MYH3: variants seen among roughly 807,000 people sequenced by gnomAD.
The protein encoded by MYH3 is myosin heavy chain 3, also known as myosin-3.
Under a neutral mutation model 238.0 loss-of-function variants are expected in MYH3, and 130 were observed. The observed-to-expected ratio is 0.55, with a 90% CI of 0.47 to 0.63. The LOEUF (loss-of-function observed/expected upper bound fraction) is 0.63. Ranked by LOEUF, MYH3 falls within the 30% of genes least tolerant of loss-of-function variation. The probability of loss-of-function intolerance (pLI) is 0.00; values close to 1 mark genes in which losing one functional copy is unlikely to be tolerated. For missense variants in MYH3, 1,853 were observed against 2,374.9 expected, an observed-to-expected ratio of 0.78 and a Z score of 4.57; for synonymous variants, 880 against 924.1, an observed-to-expected ratio of 0.95 and a Z score of 0.86.
rs966521115 is a variant in MYH3, at chr17:10,632,119, T to C, written c.4957-103A>G. On this transcript the variant is annotated intron_variant, in intron 34 of 40. Coordinates refer to ENST00000583535, the MANE Select transcript of MYH3 (RefSeq NM_002470.4). ...GTTTGTTTGTTTGTTTGTTTTTGTT[T>C]TGTTTTGTTTTGTTTGTTTTGAGAC... The C allele has an allele frequency of 9.6e-6, 13 of 1,350,276 alleles. No homozygotes were observed. In the African/African-American group the frequency reaches 1.9e-4, roughly 19 times the overall value. 83.6% of individuals were successfully genotyped at this position (1,350,276 alleles called of 1,614,324 possible). A position where few individuals can be genotyped will look rare whatever the true frequency, so the allele number is the denominator to read the frequency against.
At position 10,632,775 on chromosome 17, in the gene MYH3, C is replaced by G; in HGVS notation, c.4657G>C (p.Glu1553Gln). 6.2e-7 allele frequency: 1 copy of G among 1,614,206 alleles called. No individual in the cohort carries two copies. ...CGGAGGATCTTGGCTTCTTCATGCT[C>G]AAGAGCAGCCTTTAAGAAACAAAAG... Reference protein sequence around the residue: ...LALEEAEAALEHEEAKILRIQ... With the variant: ...LALEEAEAALQHEEAKILRIQ... Residue 1553 changes from glutamate to glutamine, a missense_variant, in exon 34 of 41, where the codon GAG becomes CAG. Glu to Gln is a conservative substitution (Grantham distance 29). Around this residue, in one of 3 missense-constraint regions of MYH3, gnomAD observed 1,044 missense variants for 1,192.6 expected, o/e 0.88. Coordinates refer to ENST00000583535, the MANE Select transcript of MYH3 (RefSeq NM_002470.4).
intron 32 of MYH3, 116 bp from the exon 33 acceptor site, chr17:10,633,831 T>A: frequency 6.6e-7 from 1 of 1,518,004 alleles, no homozygotes; most frequent in Non-Finnish European, 9.1e-7. Flanking sequence ...GTTTCCTGCT[T>A]CCTAGAGATA....
Position 10,644,347 on chromosome 17 carries a change from A to G in MYH3, c.1410+4T>C. On this transcript the variant is annotated splice_donor_region_variant and intron_variant, in intron 14 of 40. Transcript: ENST00000583535. ...ATGAAAATATGAATATAAGTAACACAAACCTCAAAGATTTCAAAGCCTGCA... is the reference window on the plus strand; with the variant it reads ...ATGAAAATATGAATATAAGTAACACGAACCTCAAAGATTTCAAAGCCTGCA... 1 of 1,613,790 alleles carries G rather than the reference A, an allele frequency of 6.2e-7. No homozygotes were observed. The highest frequency in any genetic ancestry group is 8.5e-7 in the Non-Finnish European group (1 of 1,179,636).
In MYH3 at chr17:10,642,328, G is replaced by C. The variant is rs1487669039; in HGVS notation, c.1889-18C>G. On this transcript the variant is annotated intron_variant, in intron 16 of 40. Coordinates refer to ENST00000583535, the MANE Select transcript of MYH3 (RefSeq NM_002470.4). This position sits in a 1 kb window ranked among gnomAD's most constrained non-coding sequence, Gnocchi z 5.4. ...ACTGTCAGCTGAAAGCAATAAGGGA[G>C]GGCACGTGCTGTAGGTGAATCTAAA... is the stretch of plus-strand genomic sequence containing the variant. The C allele has an allele frequency of 6.2e-7, 1 of 1,613,922 alleles. No individual in the cohort carries two copies. Among genetic ancestry groups the C allele is most frequent in the East Asian group, 2.2e-5 (1 of 44,892 alleles).
chr17:10,673,896 A>G, the MYH3 span: 1 of 152,240 alleles, frequency 6.6e-6, no homozygotes, highest in Non-Finnish European at 1.5e-5. Flanking sequence ...GGGCAATTAA[A>G]TAATTATCAG....
At position 10,644,674 on chromosome 17, in the gene MYH3, G is replaced by C. The variant is rs1255090468; in HGVS notation, c.1170C>G (p.Gly390=). 1 of 1,613,812 alleles carries C rather than the reference G, an allele frequency of 6.2e-7. No individual in the cohort carries two copies. Among genetic ancestry groups the C allele is most frequent in the Admixed American group, 1.7e-5 (1 of 60,000 alleles). The change falls in exon 13 of 41, where the codon GGC becomes GGG. Residue 390 remains glycine (G), a synonymous_variant. Transcript: ENST00000583535. ...EVADKTAYLM[G]LNSSDLLKAL... ...CTTTTAGGAGGTCCGAAGAGTTCAGGCCCATCAGATAGGCTGTTTTGTCAG... is the reference window on the plus strand; with the variant it reads ...CTTTTAGGAGGTCCGAAGAGTTCAGCCCCATCAGATAGGCTGTTTTGTCAG...
chr17:10,655,169 C>T (rs535306068), intron 2 of MYH3, 97 bp from the exon 3 acceptor site: 42 of 975,512 alleles, frequency 4.3e-5, no homozygotes, highest in Admixed American at 1.1e-4. Flanking sequence ...CTCCTTCAGC[C>T]GCAGGAGCCC....
upstream of MYH3, chr17:10,659,184 C>T (rs1048304354): frequency 1.3e-5 from 2 of 152,234 alleles, no homozygotes; most frequent in Admixed American, 1.3e-4. Flanking sequence ...ACTCATCTAT[C>T]TATATAACTA....
At chr17:10,648,448 T>C (rs979927011) in intron 8 of MYH3, 109 bp downstream of exon 8, 42 of 938,982 alleles carry the variant, frequency 4.5e-5, no homozygotes, top group South Asian at 4.1e-4. Flanking sequence ...TTGGGTTGTT[T>C]TGTTTTTCAT....
intron 1 of MYH3, 49 bp downstream of exon 1, chr17:10,657,240 T>A (rs1555528262): frequency 6.6e-6 from 1 of 151,822 alleles, no homozygotes; most frequent in Non-Finnish European, 1.5e-5. Context: ...GCTCACCGGG[T>A]GGGTGTGCTC....
the MYH3 span, among the ~76,000 whole-genome samples, chr17:10,668,858 G>A: frequency 6.6e-6 from 1 of 152,202 alleles, no homozygotes; most frequent in Non-Finnish European, 1.5e-5. Context: ...TTGTAGTTCT[G>A]TGAATAGTCT....
At position 10,637,929 on chromosome 17, in the gene MYH3, G is replaced by C. The variant is rs2074230472; in HGVS notation, c.3736C>G (p.Leu1246Val). ...MESVSKSKAN[L>V]EKICRTLEDQ... ...TCCAGGGTTCGGCAGATTTTTTCCAGATTTGCCTGAAGGATTCAGAAAGGG... is the reference window on the plus strand; with the variant it reads ...TCCAGGGTTCGGCAGATTTTTTCCACATTTGCCTGAAGGATTCAGAAAGGG... Residue 1246 changes from leucine to valine, a missense_variant, in exon 28 of 41, where the codon CTG becomes GTG. Physicochemically the swap from Leu to Val is conservative, Grantham distance 32 (BLOSUM62 1). Around this residue, in one of 3 missense-constraint regions of MYH3, gnomAD observed 1,044 missense variants for 1,192.6 expected, o/e 0.88. Coordinates refer to ENST00000583535, the MANE Select transcript of MYH3 (RefSeq NM_002470.4). The C allele has an allele frequency of 6.2e-7, 1 of 1,614,118 alleles. No individual in the cohort carries two copies. Among genetic ancestry groups the C allele is most frequent in the Non-Finnish European group, 8.5e-7 (1 of 1,180,022 alleles).
intron 14 of MYH3, 115 bp from the exon 15 acceptor site, chr17:10,643,111 T>C (rs1340443137): frequency 7.7e-6 from 12 of 1,566,520 alleles, no homozygotes; most frequent in Non-Finnish European, 9.6e-6. Context: ...TGCTTTCAAA[T>C]ACAATCACAA....
At position 10,648,624 on chromosome 17, in the gene MYH3, C is replaced by T. The variant is rs1382443790; in HGVS notation, c.668G>A (p.Ser223Asn). Residue 223 changes from serine (S) to asparagine (N), a missense_variant, in exon 8 of 41, where the codon AGT becomes AAT. Ser to Asn is a conservative substitution (Grantham distance 46). Around this residue, in one of 3 missense-constraint regions of MYH3, gnomAD observed 678 missense variants for 1,058.9 expected, o/e 0.64. Coordinates refer to ENST00000583535, the MANE Select transcript of MYH3 (RefSeq NM_002470.4). ...MKGTLEDQII[S>N]ANPLLEAFGN... ...AAAGGCCTCCAGCAGGGGATTGGCA[C>T]TGATGATTTGATCTTCCAGAGTCCC... 7 of 1,613,986 alleles carry T rather than the reference C, an allele frequency of 4.3e-6. No individual in the cohort carries two copies. In the South Asian group the frequency reaches 7.7e-5, roughly 18 times the overall value.
At position 10,640,061 on chromosome 17, in the gene MYH3, C is replaced by T. The variant is rs1380858818; in HGVS notation, c.2617G>A (p.Glu873Lys). 6.2e-7 allele frequency: 1 copy of T among 1,614,014 alleles called. No individual in the cohort carries two copies. Among genetic ancestry groups the T allele is most frequent in the South Asian group, 1.1e-5 (1 of 91,082 alleles). ...AGAGTCACCAGTTTTTCCTCTAGCTCCTTCCTTTTTGCCTCCGACTTGGCG... is the reference window on the plus strand; with the variant it reads ...AGAGTCACCAGTTTTTCCTCTAGCTTCTTCCTTTTTGCCTCCGACTTGGCG... ...ELAKSEAKRK[E>K]LEEKLVTLVQ... The change falls in exon 22 of 41, where the codon GAG becomes AAG. Residue 873 changes from glutamate to lysine, a missense_variant. Glu to Lys is a moderately conservative substitution (Grantham distance 56). Transcript: ENST00000583535.
At chr17:10,632,933 C>T (rs2074179636) in intron 33 of MYH3, 149 bp from the exon 34 acceptor site, 9 of 925,680 alleles carry the variant, frequency 9.7e-6, no homozygotes, top group East Asian at 2.5e-5. Context: ...CCAAATTGGC[C>T]GGGTGCAGTG....
chr17:10,639,661 TC>T lies in MYH3; in HGVS notation c.2823del (p.Arg942GlyfsTer19). On this transcript the variant is annotated frameshift_variant, in exon 23 of 41. Transcript: ENST00000583535. LOFTEE classifies it high-confidence loss of function. ...TCTGAGCATTCATCCTCCAGTTTCC[TC>T]TTCTTGGCCGTCAGCTCAGCATTGA... ...EEINAELTAK[K>X]RKLEDECSEL... 6.2e-7 allele frequency: 1 copy of T among 1,614,122 alleles called. No homozygotes were observed. Among genetic ancestry groups the T allele is most frequent in the Non-Finnish European group, 8.5e-7 (1 of 1,180,020 alleles).
chr17:10,667,365 G>T, the MYH3 span, among the ~76,000 whole-genome samples: 3 of 152,132 alleles, frequency 2.0e-5, no homozygotes, highest in Non-Finnish European at 2.9e-5. Flanking sequence ...ATATCCACAT[G>T]AGACAATGTT....
Position 10,644,492 on chromosome 17 carries a change from A to G in MYH3, c.1269T>C (p.His423=), listed in dbSNP as rs2074302444. 2 of 1,614,236 alleles carry G rather than the reference A, an allele frequency of 1.2e-6. No individual in the cohort carries two copies. Among genetic ancestry groups the G allele is most frequent in the Non-Finnish European group, 1.7e-6 (2 of 1,180,024 alleles). ...CTGATTTTGAAAGAGCATTCACAGC[A>G]TGGTGAACCTATCAGGGGAAAGATC... ...TKGQTVDQVH[H]AVNALSKSVY... The change falls in exon 14 of 41, where the codon CAT becomes CAC. Residue 423 remains histidine (H), a synonymous_variant. Coordinates refer to ENST00000583535, the MANE Select transcript of MYH3 (RefSeq NM_002470.4).
Sources: gnomAD v4.1 joint callset for allele counts (sites outside exome capture counted in the v4.1 genomes callset) on GRCh38, gnomAD v4.1.1 for gene constraint, gnomAD v4.1.1 regional missense constraint, Gnocchi (gnomAD v3.1) non-coding constraint, MANE v1.5 for transcripts, NCBI Gene and HGNC (gene_info 2026-07-23, HGNC 2026-07-21) for gene names.